PXN: variants seen among roughly 807,000 people sequenced by gnomAD.
PXN encodes testicular tissue protein Li 134.
Under a neutral mutation model 103.6 loss-of-function variants are expected in PXN, and 61 were observed. The ratio of observed to expected loss-of-function variants is 0.59; its 90% CI spans 0.48 to 0.73. The LOEUF (loss-of-function observed/expected upper bound fraction) is 0.73. PXN is among the 30% of genes least tolerant of loss of function. The pLI is 0.00. For synonymous variants in PXN, 562 were observed against 607.8 expected (o/e 0.92, Z 1.11); for missense variants, 1,274 against 1,460.3 (o/e 0.87, Z 2.08).
At chr12:120,259,559 C>T (rs982262138) in intron 1 of PXN, among the ~76,000 whole-genome samples, 1 of 152,134 alleles carries the variant, frequency 6.6e-6, no homozygotes, top group Non-Finnish European at 1.5e-5. Context: ...AAGATTTGGC[C>T]ACTGGGGTTC....
In PXN at chr12:120,219,805, C is replaced by T. The variant is rs1437214022; in HGVS notation, c.1118G>A (p.Trp373Ter). The change falls in exon 7 of 15, where the codon TGG becomes TAG. Residue 373 changes from tryptophan (W) to a stop codon, truncating the protein, a stop_gained. Transcript: ENST00000637617. LOFTEE classifies it high-confidence loss of function. This position sits in a 1 kb window ranked among gnomAD's most constrained non-coding sequence, Gnocchi z 6.5. ...ACCCTGACTCTCTGTGCCCACTGCC[C>T]ACAGAGAACCCTCCACAGAGGGAGA... is the stretch of plus-strand genomic sequence containing the variant. ...SRSPSVEGSL[W>*]AVGTESQGRD... The T allele has an allele frequency of 6.9e-6, 11 of 1,598,240 alleles. No individual in the cohort carries two copies. Among genetic ancestry groups the T allele is most frequent in the Non-Finnish European group, 9.3e-6 (11 of 1,179,790 alleles).
At chr12:120,226,677 G>C in intron 1 of PXN, 3 of 1,150,382 alleles carry the variant, frequency 2.6e-6, no homozygotes, top group Non-Finnish European at 3.3e-6. Flanking sequence ...GTATTGGTGA[G>C]AGGATGCAGT....
At position 120,221,279 on chromosome 12, in the gene PXN, C is replaced by T. The variant is rs1000592044; in HGVS notation, c.831+344G>A. Among the ~76,000 whole-genome samples the T allele has an allele frequency of 6.6e-6, 1 of 152,284 alleles. No homozygotes were observed. Among genetic ancestry groups the T allele is most frequent in the Admixed American group, 6.5e-5 (1 of 15,298 alleles). On this transcript the variant is annotated intron_variant, in intron 6 of 14. Transcript: ENST00000637617. The surrounding 1 kb of genome is among the most constrained non-coding windows in gnomAD (Gnocchi z 6.6). ...CCCAGCAGAGAATGCCCTCCCCCACCCAGAGCAGCCATCAACACAAGGTTC... is the reference window on the plus strand; with the variant it reads ...CCCAGCAGAGAATGCCCTCCCCCACTCAGAGCAGCCATCAACACAAGGTTC...
chr12:120,215,226 G>A lies in PXN; in HGVS notation c.2451C>T (p.Pro817=), dbSNP rs763856888. ...TGTCCAGCTGGCTCCCGGGCTTCGG[G>A]GGCCCCCCAGGGGGTGAGCTGCTCC... The part of the protein sequence containing the change: ...KTGSSSPPGG[P]PKPGSQLDSM... The change falls in exon 11 of 15, where the codon CCC becomes CCT. Residue 817 remains proline (P), a synonymous_variant. Coordinates refer to ENST00000637617, the MANE Select transcript of PXN (RefSeq NM_001385981.1). This position sits in a 1 kb window ranked among gnomAD's most constrained non-coding sequence, Gnocchi z 4.9. 1.4e-5 allele frequency: 23 copies of A among 1,591,688 alleles called. No homozygotes were observed. The Admixed American group carries it at 3.5e-4, about 24-fold the overall frequency.
rs1190251024 is a variant in PXN at position 120,214,911 on chromosome 12, C to G, written c.2662G>C (p.Glu888Gln). The G allele has an allele frequency of 6.2e-7, 1 of 1,614,014 alleles. No homozygotes were observed. Among genetic ancestry groups the G allele is most frequent in the South Asian group, 1.1e-5 (1 of 91,084 alleles). Residue 888 changes from glutamate to glutamine, a missense_variant, in exon 12 of 15, where the codon GAG becomes CAG. Physicochemically the swap from Glu to Gln is conservative, Grantham distance 29. Around this residue, in one of 2 missense-constraint regions of PXN, gnomAD observed 1,178 missense variants for 1,309.0 expected, o/e 0.90. Coordinates refer to ENST00000637617, the MANE Select transcript of PXN (RefSeq NM_001385981.1). This position sits in a 1 kb window ranked among gnomAD's most constrained non-coding sequence, Gnocchi z 5.0. ...QEEIGSRNFF[E>Q]RDGQPYCEKD... is the part of the protein sequence containing the mutation. The stretch of plus-strand genomic sequence containing the variant: ...TCACAGTAGGGCTGTCCATCCCGCT[C>G]GAAGAAGTTCCGGGATCCGATCTCC...
chr12:120,212,313 C>T lies in PXN; in HGVS notation c.*1G>A. The T allele has an allele frequency of 6.2e-7, 1 of 1,611,318 alleles. No individual in the cohort carries two copies. The highest frequency in any genetic ancestry group is 8.5e-7 in the Non-Finnish European group (1 of 1,178,276). ...GGGGGGCAGAGACAGGGGCAGGGCA[C>T]CTAGCAGAAGAGCTTGAGGAAGCAG... On this transcript the variant is annotated 3_prime_UTR_variant, in exon 15 of 15. Coordinates refer to ENST00000637617, the MANE Select transcript of PXN (RefSeq NM_001385981.1). The surrounding 1 kb of genome is among the most constrained non-coding windows in gnomAD (Gnocchi z 7.2).
chr12:120,219,324 C>T lies in PXN; in HGVS notation c.1599G>A (p.Arg533=), dbSNP rs1311425117. ...CAGCTTCCGTGGTGCCCTCTGGGCT[C>T]CTTGGGGTTTCAGGTCCCTGGGTTG... The part of the protein sequence containing the change: ...ARPTQGPETP[R]SPEGTTEAAT... Residue 533 remains arginine (R), a synonymous_variant, in exon 7 of 15, where the codon AGG becomes AGA. Transcript: ENST00000637617. This position sits in a 1 kb window ranked among gnomAD's most constrained non-coding sequence, Gnocchi z 6.5. 4 of 1,598,288 alleles carry T rather than the reference C, an allele frequency of 2.5e-6. No individual in the cohort carries two copies. Among genetic ancestry groups the T allele is most frequent in the Non-Finnish European group, 3.4e-6 (4 of 1,179,802 alleles).
Position 120,221,908 on chromosome 12 carries a change from C to G in PXN, c.696-150G>C. The G allele has an allele frequency of 8.1e-7, 1 of 1,234,344 alleles. No homozygotes were observed. The highest frequency in any genetic ancestry group is 1.1e-6 in the Non-Finnish European group (1 of 918,068). 76.5% of individuals were successfully genotyped at this position (1,234,344 alleles called of 1,614,324 possible). A position where few individuals can be genotyped will look rare whatever the true frequency, so the allele number is the denominator to read the frequency against. On this transcript the variant is annotated intron_variant, in intron 5 of 14. Transcript: ENST00000637617. This position sits in a 1 kb window ranked among gnomAD's most constrained non-coding sequence, Gnocchi z 6.6. ...CTCCCTGTCTCTCCTGGGGACCCAT[C>G]ACTGGGTCAGAAGAAAGGGCAGTTC...
Position 120,214,048 on chromosome 12 carries a change from T to C in PXN, c.2831-58A>G. The C allele has an allele frequency of 6.3e-7, 1 of 1,592,030 alleles. No homozygotes were observed. On this transcript the variant is annotated intron_variant, in intron 13 of 14. Coordinates refer to ENST00000637617, the MANE Select transcript of PXN (RefSeq NM_001385981.1). This position sits in a 1 kb window ranked among gnomAD's most constrained non-coding sequence, Gnocchi z 5.0. ...TTCCGGCTTCCAGAAGTGGAGCCAC[T>C]CTGACTCCAACCTCAGCAGCGTCTC...
In PXN at chr12:120,224,273, A is replaced by T. The variant is rs768248777; in HGVS notation, c.118T>A (p.Tyr40Asn). The change falls in exon 2 of 15, where the codon TAC becomes AAC. Residue 40 changes from tyrosine to asparagine, a missense_variant. Physicochemically the swap from Tyr to Asn is moderately radical, Grantham distance 143. Coordinates refer to ENST00000637617, the MANE Select transcript of PXN (RefSeq NM_001385981.1). This position sits in a 1 kb window ranked among gnomAD's most constrained non-coding sequence, Gnocchi z 5.0. Reference protein sequence around the residue: ...PYSYPTGNHTYQEIAVPPPVP... With the variant: ...PYSYPTGNHTNQEIAVPPPVP... ...GGGGGTGGCACGGCAATCTCCTGGT[A>T]TGTGTGGTTTCCAGTTGGGTATGAG... The T allele has an allele frequency of 2.5e-6, 4 of 1,613,710 alleles. No individual in the cohort carries two copies. In the South Asian group the frequency reaches 4.4e-5, roughly 18 times the overall value.
At chr12:120,232,896 A>G (rs1424360134) in intron 1 of PXN, among the ~76,000 whole-genome samples, 1 of 152,136 alleles carries the variant, frequency 6.6e-6, no homozygotes, top group African/African-American at 2.4e-5. Flanking sequence ...TTTTTCAGGC[A>G]GCAAGGTCAT....
Position 120,215,874 on chromosome 12 carries a change from C to T in PXN, c.2302-213G>A. 1 of 1,343,146 alleles carries T rather than the reference C, an allele frequency of 7.4e-7. No individual in the cohort carries two copies. Among genetic ancestry groups the T allele is most frequent in the South Asian group, 1.8e-5 (1 of 55,242 alleles). The allele number at this position is 1,343,146 out of a possible 1,614,324, so 83.2% of individuals were successfully genotyped here. Reference sequence around the variant, plus strand: ...GAAGAAGGACAGGGAGGGGAGTCGACCAAAGGCAGAGGAAATGGCAAGGGG... The same window carrying T: ...GAAGAAGGACAGGGAGGGGAGTCGATCAAAGGCAGAGGAAATGGCAAGGGG... On this transcript the variant is annotated intron_variant, in intron 9 of 14. Transcript: ENST00000637617. The surrounding 1 kb of genome is among the most constrained non-coding windows in gnomAD (Gnocchi z 4.9).
chr12:120,263,601 C>T (rs529687373), intron 1 of PXN, among the ~76,000 whole-genome samples: 2 of 152,300 alleles, frequency 1.3e-5, no homozygotes, highest in East Asian at 1.9e-4. Flanking sequence ...CTCTTCGTCT[C>T]GGCTTTCTCA....
chr12:120,216,868 C>T lies in PXN; in HGVS notation c.1965G>A (p.Lys655=). ...TCTCTACGAGCTGCCCCCCGGCCCGCTTCCCACGTGGCTGCACAGTGATGA... is the reference window on the plus strand; with the variant it reads ...TCTCTACGAGCTGCCCCCCGGCCCGTTTCCCACGTGGCTGCACAGTGATGA... ...GVIITVQPRG[K]RAGGQLVEKV... Residue 655 remains lysine, a synonymous_variant, in exon 8 of 15, where the codon AAG becomes AAA. Transcript: ENST00000637617. The surrounding 1 kb of genome is among the most constrained non-coding windows in gnomAD (Gnocchi z 5.1). 1 of 1,508,068 alleles carries T rather than the reference C, an allele frequency of 6.6e-7. No individual in the cohort carries two copies. Among genetic ancestry groups the T allele is most frequent in the Non-Finnish European group, 8.8e-7 (1 of 1,137,432 alleles). The allele number at this position is 1,508,068 out of a possible 1,614,324, so 93.4% of individuals were successfully genotyped here. A position where few individuals can be genotyped will look rare whatever the true frequency, so the allele number is the denominator to read the frequency against.
intron 1 of PXN, among the ~76,000 whole-genome samples, chr12:120,257,479 C>T (rs1209730245): frequency 6.6e-6 from 1 of 152,196 alleles, no homozygotes; most frequent in Non-Finnish European, 1.5e-5. Flanking sequence ...TGACATGAGG[C>T]TGAAAGAAGA....
chr12:120,240,591 G>A (rs1889971984), intron 1 of PXN, among the ~76,000 whole-genome samples: 1 of 152,174 alleles, frequency 6.6e-6, no homozygotes, highest in South Asian at 2.1e-4. Flanking sequence ...TGCATCTGGA[G>A]GCCCCTGCAT....
At chr12:120,236,800 T>G (rs1432456987) in intron 1 of PXN, among the ~76,000 whole-genome samples, 1 of 151,776 alleles carries the variant, frequency 6.6e-6, no homozygotes, top group African/African-American at 2.4e-5. Flanking sequence ...ATTTTATTTA[T>G]GTATTTATTT....
In PXN at chr12:120,219,945, G is replaced by A; in HGVS notation, c.978C>T (p.His326=). The A allele has an allele frequency of 1.3e-6, 2 of 1,597,490 alleles. No homozygotes were observed. Among genetic ancestry groups the A allele is most frequent in the Non-Finnish European group, 1.7e-6 (2 of 1,178,940 alleles). Residue 326 remains histidine (H), a synonymous_variant, in exon 7 of 15, where the codon CAC becomes CAT. Coordinates refer to ENST00000637617, the MANE Select transcript of PXN (RefSeq NM_001385981.1). This position sits in a 1 kb window ranked among gnomAD's most constrained non-coding sequence, Gnocchi z 6.5. ...GCTCAGTACAAGGGAACTCCGGAGT[G>A]TGGCCCTGGCCTCGAGGGGAGGGTA... ...TTIPSPRGQG[H]TPEFPCTEQS... is the part of the protein sequence containing the mutation.
At chr12:120,264,197 A>G (rs1594551024) in intron 1 of PXN, 1 of 152,226 alleles carries the variant, frequency 6.6e-6, no homozygotes, top group East Asian at 1.9e-4. Context: ...CCTGATCCCA[A>G]AAGGAAGCTG....
Sources: allele counts gnomAD v4.1 joint callset (sites outside exome capture counted in the v4.1 genomes callset), GRCh38; gene constraint gnomAD v4.1.1; regional missense constraint gnomAD v4.1.1; non-coding constraint Gnocchi (gnomAD v3.1); transcripts MANE v1.5; gene names NCBI Gene and HGNC (gene_info 2026-07-23, HGNC 2026-07-21).